SORBS2: variants seen among roughly 807,000 people sequenced by gnomAD.
SORBS2 encodes sorbin and SH3 domain-containing protein 2.
A neutral mutation model predicts 97.7 loss-of-function variants in SORBS2; 46 were observed. The ratio of observed to expected loss-of-function variants is 0.47; its 90% CI spans 0.37 to 0.60. The LOEUF (loss-of-function observed/expected upper bound fraction) is 0.60, where lower values mean the gene tolerates loss of function less well. Ranked by LOEUF, SORBS2 falls within the 20% of genes least tolerant of loss-of-function variation. The probability of loss-of-function intolerance (pLI) is 0.00; values close to 1 mark genes in which losing one functional copy is unlikely to be tolerated. For synonymous variants in SORBS2, 476 were observed against 473.4 expected, an observed-to-expected ratio of 1.01 and a Z score of -0.07; for missense variants, 1,316 against 1,282.3, an observed-to-expected ratio of 1.03 and a Z score of -0.40.
At chr4:185,870,758 G>A (rs907660065) in intron 1 of SORBS2, among the ~76,000 whole-genome samples, 4 of 152,186 alleles carry the variant, frequency 2.6e-5, no homozygotes, top group Admixed American at 6.5e-5. Context: ...GATGTGATGG[G>A]AAGGAGCCCA....
intron 2 of SORBS2, among the ~76,000 whole-genome samples, chr4:185,730,098 G>A (rs1048937734): frequency 3.9e-5 from 6 of 152,018 alleles, no homozygotes; most frequent in Non-Finnish European, 8.8e-5. Flanking sequence ...GACTACAGGT[G>A]CCTGCCACGG....
chr4:185,901,742 C>T (rs2099247883), intron 1 of SORBS2, among the ~76,000 whole-genome samples: 1 of 152,074 alleles, frequency 6.6e-6, no homozygotes, highest in African/African-American at 2.4e-5. Context: ...ATCAGGGTTT[C>T]GAACAATGAA....
At chr4:185,912,449 G>A (rs573800578) in intron 1 of SORBS2, among the ~76,000 whole-genome samples, 1 of 151,880 alleles carries the variant, frequency 6.6e-6, no homozygotes, top group East Asian at 1.9e-4. Context: ...GCTGGCTGTG[G>A]TGGTGGGCAC....
rs554106800 is a variant in SORBS2 at position 185,695,023 on chromosome 4, T to C, written c.-197-16201A>G. On this transcript the variant is annotated intron_variant, in intron 2 of 20. Transcript: ENST00000284776. ...CCTGGCCAATTCTGCTTGAATTTCT[T>C]TGGATTATCAGACATCTCATTTTTC... Among the ~76,000 whole-genome samples, 5 of 152,048 alleles carry C rather than the reference T, an allele frequency of 3.3e-5. No homozygotes were observed. The South Asian group carries it at 1.0e-3, about 32-fold the overall frequency.
At chr4:185,833,355 C>T (rs144226154) in intron 1 of SORBS2, among the ~76,000 whole-genome samples, 1 of 152,338 alleles carries the variant, frequency 6.6e-6, no homozygotes, top group Non-Finnish European at 1.5e-5. Flanking sequence ...ATTCCAGAAC[C>T]TGGTAATTCA....
intron 12 of SORBS2, among the ~76,000 whole-genome samples, chr4:185,610,077 A>G (rs1006501250): frequency 6.6e-6 from 1 of 152,240 alleles, no homozygotes; most frequent in East Asian, 1.9e-4. Flanking sequence ...TTGAAAATAT[A>G]TTCAATTACA....
chr4:185,693,760 T>C (rs993324303), intron 2 of SORBS2, among the ~76,000 whole-genome samples: 1 of 152,170 alleles, frequency 6.6e-6, no homozygotes, highest in African/African-American at 2.4e-5. Flanking sequence ...CAGACAATAA[T>C]AATGTTTTTG....
At chr4:185,602,680 C>A (rs1455936508) in intron 12 of SORBS2, among the ~76,000 whole-genome samples, 1 of 152,134 alleles carries the variant, frequency 6.6e-6, no homozygotes, top group African/African-American at 2.4e-5. Context: ...TGGGTTATTT[C>A]TTTTCTTTAC....
chr4:185,897,887 T>A (rs996550811), intron 1 of SORBS2, among the ~76,000 whole-genome samples: 1 of 149,564 alleles, frequency 6.7e-6, no homozygotes, highest in African/African-American at 2.5e-5. Flanking sequence ...AAAAAAAAAA[T>A]TTAGCAGGAT....
At chr4:185,863,048 C>T (rs796537236) in intron 1 of SORBS2, among the ~76,000 whole-genome samples, 13 of 152,194 alleles carry the variant, frequency 8.5e-5, no homozygotes, top group East Asian at 1.9e-4. Context: ...AGGTGGGACA[C>T]GGAAGGAATC....
intron 1 of SORBS2, among the ~76,000 whole-genome samples, chr4:185,877,298 T>A (rs4862581): frequency 0.49 from 73,774 of 151,972 alleles, 18,684 homozygotes; most frequent in East Asian, 0.57. Flanking sequence ...TAAAGGTTGT[T>A]TTTTTTAAAA....
chr4:185,836,078 A>G (rs924079240), intron 1 of SORBS2, among the ~76,000 whole-genome samples: 1 of 152,188 alleles, frequency 6.6e-6, no homozygotes, highest in East Asian at 1.9e-4. Flanking sequence ...TACGAATGTA[A>G]TAAACGATGA....
intron 2 of SORBS2, among the ~76,000 whole-genome samples, chr4:185,713,448 A>C (rs2098440665): frequency 6.6e-6 from 1 of 152,222 alleles, no homozygotes; most frequent in African/African-American, 2.4e-5. Context: ...ATTAGCTCAG[A>C]AGAGCAGAGA....
intron 4 of SORBS2, among the ~76,000 whole-genome samples, chr4:185,672,844 A>G (rs1386322483): frequency 6.6e-6 from 1 of 152,168 alleles, no homozygotes; most frequent in Non-Finnish European, 1.5e-5. Flanking sequence ...ATTGGCTGAG[A>G]CTTGCCAGAA....
In SORBS2 at chr4:185,784,351, C is replaced by T. The variant is rs1298862372; in HGVS notation, c.-337-8985G>A. On this transcript the variant is annotated intron_variant, in intron 1 of 20. Coordinates refer to the SORBS2 transcript ENST00000284776. ...TTCACTATGTTGGCCAGGATGGTCT[C>T]GATCTCCTGACCTCGTGATCCGCCC... Among the ~76,000 whole-genome samples the T allele has an allele frequency of 2.6e-5, 4 of 152,102 alleles. 1 individual carries two copies. Among genetic ancestry groups the T allele is most frequent in the Admixed American group, 6.5e-5 (1 of 15,276 alleles).
chr4:185,836,520 A>G (rs1434605950), intron 1 of SORBS2, among the ~76,000 whole-genome samples: 1 of 152,242 alleles, frequency 6.6e-6, no homozygotes, highest in Non-Finnish European at 1.5e-5. Context: ...ATTATAATGT[A>G]CACACCACCA....
chr4:185,601,967 AG>A (rs2153382411), intron 12 of SORBS2, among the ~76,000 whole-genome samples: 1 of 152,340 alleles, frequency 6.6e-6, no homozygotes, highest in Admixed American at 6.5e-5. Flanking sequence ...CTTGCAAAAT[AG>A]TCTCTCGGAT....
intron 9 of SORBS2, among the ~76,000 whole-genome samples, chr4:185,616,876 G>A (rs1434541424): frequency 6.6e-6 from 1 of 152,160 alleles, no homozygotes; most frequent in Non-Finnish European, 1.5e-5. Flanking sequence ...AGCCTCCTGA[G>A]TAGCTGGGAT....
At chr4:185,619,277 C>A (rs1235821835) in intron 8 of SORBS2, among the ~76,000 whole-genome samples, 2 of 152,152 alleles carry the variant, frequency 1.3e-5, no homozygotes, top group Non-Finnish European at 2.9e-5. Context: ...CCTGAGGTAC[C>A]CTGTACCCTA....
Sources: gnomAD v4.1 joint callset for allele counts (sites outside exome capture counted in the v4.1 genomes callset) on GRCh38, gnomAD v4.1.1 for gene constraint, MANE v1.5 for transcripts, NCBI Gene and HGNC (gene_info 2026-07-23, HGNC 2026-07-21) for gene names.